Variants in FHIT observed in about 807,000 individuals in gnomAD.
FHIT encodes bis(5'-adenosyl)-triphosphatase.
A neutral mutation model predicts 17.9 loss-of-function variants in FHIT; 19 were observed. That is an observed-to-expected ratio of 1.06 (90% CI 0.74 to 1.56). The LOEUF (loss-of-function observed/expected upper bound fraction) is 1.56, where lower values mean the gene tolerates loss of function less well. Ranked by LOEUF, FHIT falls within the 40% of genes most tolerant of loss-of-function variation. The probability of loss-of-function intolerance (pLI) is 0.00; values close to 1 mark genes in which losing one functional copy is unlikely to be tolerated. For synonymous variants in FHIT, 81 were observed against 69.7 expected, an observed-to-expected ratio of 1.16 and a Z score of -0.81; for missense variants, 248 against 189.2, an observed-to-expected ratio of 1.31 and a Z score of -1.82.
At chr3:60,096,435 C>G (rs1216609100) in intron 5 of FHIT, among the ~76,000 whole-genome samples, 1 of 152,030 alleles carries the variant, frequency 6.6e-6, no homozygotes, top group Non-Finnish European at 1.5e-5. Context: ...AAGAATCAAC[C>G]AAGAAAGGTC....
intron 4 of FHIT, among the ~76,000 whole-genome samples, chr3:60,666,353 A>G (rs13094274): frequency 2.4e-4 from 37 of 152,264 alleles, no homozygotes; most frequent in Non-Finnish European, 4.0e-4. Flanking sequence ...CTGGAAGTAT[A>G]GTTTTTCCAG....
intron 5 of FHIT, among the ~76,000 whole-genome samples, chr3:60,403,768 G>T (rs567336107): frequency 1.3e-5 from 2 of 152,112 alleles, no homozygotes; most frequent in Non-Finnish European, 2.9e-5. Flanking sequence ...ATGGCTCTCT[G>T]TACTTTGTTG....
intron 5 of FHIT, among the ~76,000 whole-genome samples, chr3:60,268,015 G>A (rs1437878765): frequency 2.0e-5 from 3 of 152,124 alleles, no homozygotes; most frequent in Non-Finnish European, 2.9e-5. Context: ...GGTAGGTTTT[G>A]TATCTTACTG....
At chr3:60,920,872 T>G (rs1276975795) in intron 3 of FHIT, among the ~76,000 whole-genome samples, 2 of 152,192 alleles carry the variant, frequency 1.3e-5, no homozygotes, top group African/African-American at 2.4e-5. Flanking sequence ...AGGGAGGCAT[T>G]AGAGAGTTTT....
At chr3:61,138,626 T>C (rs1387712053) in intron 2 of FHIT, among the ~76,000 whole-genome samples, 1 of 152,236 alleles carries the variant, frequency 6.6e-6, no homozygotes, top group East Asian at 1.9e-4. Context: ...TGCTATTGCT[T>C]CCCAGCAGTT....
chr3:60,530,080 T>C (rs2035719360), intron 5 of FHIT, among the ~76,000 whole-genome samples: 2 of 152,138 alleles, frequency 1.3e-5, no homozygotes, highest in Admixed American at 6.5e-5. Context: ...GCCCACCCCA[T>C]CCCATGCACA....
chr3:60,267,012 TG>T (rs999882444), intron 5 of FHIT, among the ~76,000 whole-genome samples: 38 of 152,068 alleles, frequency 2.5e-4, no homozygotes, highest in African/African-American at 7.2e-4. Flanking sequence ...TGTACTAATA[TG>T]AATATTAATT....
At chr3:59,869,155 T>TA (rs1702795286) in intron 8 of FHIT, among the ~76,000 whole-genome samples, 1 of 152,214 alleles carries the variant, frequency 6.6e-6, no homozygotes, top group Non-Finnish European at 1.5e-5. Context: ...GCCTTTCAAA[T>TA]AAGTTTATTA....
chr3:60,171,262 T>C (rs1398737125), intron 5 of FHIT, among the ~76,000 whole-genome samples: 2 of 152,228 alleles, frequency 1.3e-5, no homozygotes, highest in Admixed American at 1.3e-4. Flanking sequence ...CTTTTTACTA[T>C]TGGTTCCAAA....
In FHIT at chr3:61,188,612, G is replaced by T. The variant is rs1423704392; in HGVS notation, c.-164+12005C>A. On this transcript the variant is annotated intron_variant, in intron 2 of 9. Transcript: ENST00000492590. ...CCAGCATCATCCTGATACCAAAGCT[G>T]GGCAGAGACACAACAAAAAAAGAGA... is the stretch of plus-strand genomic sequence containing the variant. Among the ~76,000 whole-genome samples the T allele has an allele frequency of 1.6e-3, 246 of 152,136 alleles. 5 individuals are homozygous for T. In the East Asian group the frequency reaches 0.033, roughly 20 times the overall value.
At chr3:60,086,692 A>G (rs1326565468) in intron 5 of FHIT, among the ~76,000 whole-genome samples, 1 of 152,182 alleles carries the variant, frequency 6.6e-6, no homozygotes, top group African/African-American at 2.4e-5. Context: ...GCTACAAAAT[A>G]ATCTTCTTTG....
At chr3:60,087,468 T>G (rs1484364564) in intron 5 of FHIT, among the ~76,000 whole-genome samples, 5 of 152,196 alleles carry the variant, frequency 3.3e-5, no homozygotes, top group Admixed American at 6.5e-5. Context: ...TTTCCAAACT[T>G]TTACACTCTG....
intron 8 of FHIT, among the ~76,000 whole-genome samples, chr3:59,790,516 CTCTCTCTCTCTCTG>C (rs1189268215): frequency 4.0e-4 from 55 of 138,980 alleles, no homozygotes; most frequent in African/African-American, 1.6e-3. Flanking sequence ...TTCTCTCTCT[CTCTCTCTCTCTCTG>C]TGTGTGTGTG....
At chr3:60,988,680 G>A (rs754678110) in intron 3 of FHIT, among the ~76,000 whole-genome samples, 1 of 152,076 alleles carries the variant, frequency 6.6e-6, no homozygotes, top group African/African-American at 2.4e-5. Flanking sequence ...TGGGAACCTG[G>A]AGGCCTGTTC....
chr3:61,109,894 A>C (rs998965313), intron 2 of FHIT, among the ~76,000 whole-genome samples: 2 of 152,136 alleles, frequency 1.3e-5, no homozygotes, highest in African/African-American at 4.8e-5. Flanking sequence ...AAAGATTAAC[A>C]GCCACTTCTT....
At chr3:61,009,354 T>C (rs1285825377) in intron 3 of FHIT, among the ~76,000 whole-genome samples, 1 of 152,200 alleles carries the variant, frequency 6.6e-6, no homozygotes, top group Non-Finnish European at 1.5e-5. Flanking sequence ...TTTTCTTCTC[T>C]GAAACGGTAA....
chr3:60,532,843 A>C (rs980290071), intron 5 of FHIT, among the ~76,000 whole-genome samples: 1 of 152,226 alleles, frequency 6.6e-6, no homozygotes, highest in Admixed American at 6.5e-5. Context: ...GAGCAAAGTC[A>C]TAAGAAATAA....
intron 4 of FHIT, among the ~76,000 whole-genome samples, chr3:60,562,650 C>T (rs1326664639): frequency 2.0e-5 from 3 of 152,128 alleles, no homozygotes; most frequent in Non-Finnish European, 4.4e-5. Context: ...ATCAGCATCA[C>T]CCAAGAGCTT....
At chr3:59,862,410 G>C (rs1702447086) in intron 8 of FHIT, among the ~76,000 whole-genome samples, 2 of 152,158 alleles carry the variant, frequency 1.3e-5, no homozygotes, top group Admixed American at 1.3e-4. Flanking sequence ...ATTTGGGTGG[G>C]AACACAGCCA....
Sources: gnomAD v4.1 joint callset for allele counts (sites outside exome capture counted in the v4.1 genomes callset) on GRCh38, gnomAD v4.1.1 for gene constraint, MANE v1.5 for transcripts, NCBI Gene and HGNC (gene_info 2026-07-23, HGNC 2026-07-21) for gene names.